MINDY2: variants seen among roughly 807,000 people sequenced by gnomAD.
The protein encoded by MINDY2 is ubiquitin carboxyl-terminal hydrolase MINDY-2.
In MINDY2, 52 loss-of-function variants were observed where a neutral mutation model predicts 68.2. That is an observed-to-expected ratio of 0.76 (90% CI 0.61 to 0.96). MINDY2 has a LOEUF of 0.96. MINDY2 is among the 40% of genes least tolerant of loss of function. The probability of loss-of-function intolerance (pLI) is 0.00; values close to 1 mark genes in which losing one functional copy is unlikely to be tolerated. For synonymous variants in MINDY2, 372 were observed against 303.0 expected, an observed-to-expected ratio of 1.23 and a Z score of -2.36; for missense variants, 881 against 773.4, an observed-to-expected ratio of 1.14 and a Z score of -1.65.
chr15:58,839,048 A>G (rs2032145424), intron 6 of MINDY2, among the ~76,000 whole-genome samples: 1 of 152,052 alleles, frequency 6.6e-6, no homozygotes, highest in African/African-American at 2.4e-5. Flanking sequence ...GGTTGTACCA[A>G]TTTCTATAGG....
At chr15:58,774,494 A>G (rs1238479212) in intron 1 of MINDY2, among the ~76,000 whole-genome samples, 4 of 142,986 alleles carry the variant, frequency 2.8e-5, no homozygotes, top group Non-Finnish European at 6.0e-5. Flanking sequence ...CAAAAAAAGA[A>G]AAAAAAAAAA....
At chr15:58,808,990 C>T (rs1408462930) in intron 3 of MINDY2, among the ~76,000 whole-genome samples, 1 of 152,184 alleles carries the variant, frequency 6.6e-6, no homozygotes, top group Non-Finnish European at 1.5e-5. Flanking sequence ...GGCGGAGAAT[C>T]ACTTGAGCTC....
intron 4 of MINDY2, chr15:58,815,673 CTTTTTCT>C (rs1433019991): frequency 2.0e-5 from 3 of 151,716 alleles, no homozygotes; most frequent in African/African-American, 7.3e-5. Flanking sequence ...TTATTTCCTT[CTTTTTCT>C]TTTTTCTTTT....
intron 3 of MINDY2, among the ~76,000 whole-genome samples, chr15:58,809,802 C>T (rs1230193340): frequency 6.6e-6 from 1 of 152,166 alleles, no homozygotes; most frequent in Non-Finnish European, 1.5e-5. Context: ...TTTTTTGAGA[C>T]AGAGTCTCGC....
At chr15:58,810,004 T>G (rs2030113725) in intron 3 of MINDY2, among the ~76,000 whole-genome samples, 1 of 152,234 alleles carries the variant, frequency 6.6e-6, no homozygotes, top group Non-Finnish European at 1.5e-5. Context: ...CTCAAACTCC[T>G]GACCTCAAGT....
At chr15:58,841,468 T>TG (rs1211227393) in intron 6 of MINDY2, among the ~76,000 whole-genome samples, 6 of 151,354 alleles carry the variant, frequency 4.0e-5, no homozygotes, top group Non-Finnish European at 7.4e-5. Context: ...TGCAATGGTG[T>TG]GATCTTGGCT....
At chr15:58,788,959 C>T (rs566363460) in intron 2 of MINDY2, among the ~76,000 whole-genome samples, 1 of 152,208 alleles carries the variant, frequency 6.6e-6, no homozygotes, top group South Asian at 2.1e-4. Flanking sequence ...TTACAGTGAG[C>T]CAAGATCATG....
At chr15:58,775,249 T>C (rs1900704423) in intron 1 of MINDY2, among the ~76,000 whole-genome samples, 1 of 152,202 alleles carries the variant, frequency 6.6e-6, no homozygotes, top group Non-Finnish European at 1.5e-5. Flanking sequence ...AAGGTAGATA[T>C]AGATAGATAT....
intron 5 of MINDY2, among the ~76,000 whole-genome samples, chr15:58,831,033 G>GTATATATATATA (rs1294321709): frequency 2.3e-4 from 24 of 105,536 alleles, no homozygotes; most frequent in African/African-American, 1.2e-3. Context: ...GTGTGTGTGT[G>GTATATATATATA]TGTGTGTGTA....
At chr15:58,791,005 C>G (rs1256963909) in intron 2 of MINDY2, among the ~76,000 whole-genome samples, 2 of 151,332 alleles carry the variant, frequency 1.3e-5, no homozygotes, top group Admixed American at 6.6e-5. Context: ...CGGTGAAACC[C>G]CATCTCCACT....
intron 1 of MINDY2, among the ~76,000 whole-genome samples, chr15:58,777,409 TCAAA>T (rs1900838591): frequency 6.6e-6 from 1 of 152,158 alleles, no homozygotes. Context: ...GTAAAAATGA[TCAAA>T]CAGAGTAAGG....
chr15:58,787,228 A>G (rs145955493), intron 1 of MINDY2, among the ~76,000 whole-genome samples: 312 of 143,910 alleles, frequency 2.2e-3, no homozygotes, highest in African/African-American at 7.8e-3. Context: ...TCCTGACCTC[A>G]AGTGATCTGC....
At chr15:58,791,580 G>GCACTCTA (rs2140928755) in intron 2 of MINDY2, among the ~76,000 whole-genome samples, 1 of 149,772 alleles carries the variant, frequency 6.7e-6, no homozygotes, top group African/African-American at 2.5e-5. Context: ...TCACAAGACT[G>GCACTCTA]CACTCTACCC....
At chr15:58,854,448 T>TA (rs763235034) in intron 8 of MINDY2, 34 bp from the exon 9 acceptor site, 4 of 1,598,352 alleles carry the variant, frequency 2.5e-6, no homozygotes, top group South Asian at 2.3e-5. Flanking sequence ...TCAGAATAGT[T>TA]AGAGTAATTT....
chr15:58,777,821 C>T (rs1391166688), intron 1 of MINDY2, among the ~76,000 whole-genome samples: 1 of 152,046 alleles, frequency 6.6e-6, no homozygotes, highest in East Asian at 1.9e-4. Flanking sequence ...CGGGGTCTCA[C>T]TATAGTGCCC....
intron 8 of MINDY2, 85 bp downstream of exon 8, chr15:58,852,050 GC>G (rs1341168630): frequency 9.6e-7 from 1 of 1,044,642 alleles, no homozygotes; most frequent in Non-Finnish European, 1.4e-6. Flanking sequence ...CCTTTGGGAG[GC>G]TGAGGCAGGC....
chr15:58,794,326 C>T lies in MINDY2; in HGVS notation c.898+6363C>T, dbSNP rs749081327. Among the ~76,000 whole-genome samples, 17 of 149,956 alleles carry T rather than the reference C, an allele frequency of 1.1e-4. No homozygotes were observed. In the East Asian group the frequency reaches 1.6e-3, roughly 14 times the overall value. ...CTGTATTACCATGGGAAATGAGTTT[C>T]TGAGATAAAGTAGAATAAAAGTTTT... On this transcript the variant is annotated intron_variant, in intron 2 of 8. Coordinates refer to ENST00000559228, the MANE Select transcript of MINDY2 (RefSeq NM_001040450.3).
rs115084721 is a variant in MINDY2 at position 58,808,176 on chromosome 15, G to A, written c.964-2054G>A. On this transcript the variant is annotated intron_variant, in intron 3 of 8. Coordinates refer to ENST00000559228, the MANE Select transcript of MINDY2 (RefSeq NM_001040450.3). Reference sequence around the variant, plus strand: ...CAGCTTCCCCCACTGTCAACATCCCGCATCAGAGTGGTTCATTTATTATTG... The same window carrying A: ...CAGCTTCCCCCACTGTCAACATCCCACATCAGAGTGGTTCATTTATTATTG... Among the ~76,000 whole-genome samples, 502 of 152,006 alleles carry A rather than the reference G, an allele frequency of 3.3e-3. 2 individuals carry two copies. The highest frequency in any genetic ancestry group is 0.011 in the African/African-American group (474 of 41,462).
intron 5 of MINDY2, 29 bp from the exon 6 acceptor site, chr15:58,831,745 C>T: frequency 6.4e-7 from 1 of 1,554,204 alleles, no homozygotes; most frequent in East Asian, 2.3e-5. Context: ...AATTATTCTT[C>T]TATCTAATGT....
Sources: allele counts gnomAD v4.1 joint callset (sites outside exome capture counted in the v4.1 genomes callset), GRCh38; gene constraint gnomAD v4.1.1; transcripts MANE v1.5; gene names NCBI Gene and HGNC (gene_info 2026-07-23, HGNC 2026-07-21).